KCNMA1: variants seen among roughly 807,000 people sequenced by gnomAD.
KCNMA1 encodes the protein Calcium-activated potassium channel subunit alpha-1.
Under a neutral mutation model 140.0 loss-of-function variants are expected in KCNMA1, and 29 were observed. That is an observed-to-expected ratio of 0.21 (90% CI 0.15 to 0.28). The LOEUF is 0.28. Ranked by LOEUF, KCNMA1 falls within the 10% of genes least tolerant of loss-of-function variation. The pLI, the probability that KCNMA1 is intolerant of heterozygous loss-of-function variation, is 1.00. For synonymous variants in KCNMA1, 612 were observed against 611.9 expected (o/e 1.00, Z 0.00); for missense variants, 880 against 1,602.2 (o/e 0.55, Z 7.70).
chr10:77,128,597 T>G (rs2097790486), intron 5 of KCNMA1, among the ~76,000 whole-genome samples: 1 of 152,080 alleles, frequency 6.6e-6, no homozygotes, highest in African/African-American at 2.4e-5. Flanking sequence ...TCCAGAGTGA[T>G]TCTAATGAGC....
At chr10:77,397,144 G>A (rs974559560) in intron 2 of KCNMA1, among the ~76,000 whole-genome samples, 1 of 152,116 alleles carries the variant, frequency 6.6e-6, no homozygotes, top group Admixed American at 6.5e-5. Flanking sequence ...ATGTGTGTGT[G>A]CCTGTATTTA....
intron 11 of KCNMA1, among the ~76,000 whole-genome samples, chr10:77,085,880 G>C (rs1179957721): frequency 6.6e-6 from 1 of 152,060 alleles, no homozygotes; most frequent in Non-Finnish European, 1.5e-5. Context: ...ATTTTGCCTT[G>C]TACCTTTCCC....
intron 1 of KCNMA1, among the ~76,000 whole-genome samples, chr10:77,440,813 TTTTTTGTTTTTG>T (rs918235523): frequency 6.6e-6 from 1 of 151,978 alleles, no homozygotes; most frequent in Admixed American, 6.6e-5. Context: ...TCAAAATTCT[TTTTTTGTTTTTG>T]TTTTTGTTTT....
At chr10:77,250,893 A>G in intron 3 of KCNMA1, 1 of 363,232 alleles carries the variant, frequency 2.8e-6, no homozygotes, top group Non-Finnish European at 5.2e-6. Context: ...CATCTTAACT[A>G]CTTGACATCT....
chr10:76,948,002 GTT>G (rs60575836), intron 22 of KCNMA1, among the ~76,000 whole-genome samples: 1 of 18,990 alleles, frequency 5.3e-5, no homozygotes, highest in African/African-American at 1.9e-4. Context: ...GTTGTTTCTT[GTT>G]TTGTTTTTGT....
At chr10:77,263,020 A>G (rs956147337) in intron 2 of KCNMA1, among the ~76,000 whole-genome samples, 1 of 152,212 alleles carries the variant, frequency 6.6e-6, no homozygotes, top group African/African-American at 2.4e-5. Flanking sequence ...ACAAAATGGA[A>G]GGAAAATTCT....
chr10:77,156,494 C>T (rs577365623), intron 5 of KCNMA1, among the ~76,000 whole-genome samples: 1 of 152,180 alleles, frequency 6.6e-6, no homozygotes, highest in Non-Finnish European at 1.5e-5. Flanking sequence ...TGGGCATAGG[C>T]CAAGCTAACT....
At chr10:77,326,217 T>A (rs937083301) in intron 2 of KCNMA1, among the ~76,000 whole-genome samples, 1 of 152,160 alleles carries the variant, frequency 6.6e-6, no homozygotes, top group African/African-American at 2.4e-5. Context: ...GTCTTCCTCA[T>A]CTCATCTGTT....
chr10:77,372,506 C>T (rs1218801981), intron 2 of KCNMA1, among the ~76,000 whole-genome samples: 1 of 152,118 alleles, frequency 6.6e-6, no homozygotes, highest in Admixed American at 6.6e-5. Flanking sequence ...TTTTCTCTTC[C>T]TTTACTCAGC....
At chr10:77,556,301 T>C (rs1292493954) in intron 1 of KCNMA1, among the ~76,000 whole-genome samples, 1 of 151,876 alleles carries the variant, frequency 6.6e-6, no homozygotes, top group Non-Finnish European at 1.5e-5. Context: ...GTTTAGGAGT[T>C]CGAGACCAGC....
At chr10:77,417,547 C>A (rs2043809747) in intron 1 of KCNMA1, among the ~76,000 whole-genome samples, 1 of 152,136 alleles carries the variant, frequency 6.6e-6, no homozygotes, top group South Asian at 2.1e-4. Context: ...ACACTAAATC[C>A]CAAATGAGAT....
At chr10:77,409,327 C>A (rs2096567827) in intron 1 of KCNMA1, among the ~76,000 whole-genome samples, 1 of 152,172 alleles carries the variant, frequency 6.6e-6, no homozygotes, top group African/African-American at 2.4e-5. Flanking sequence ...ACCCAACTAC[C>A]ACACACACAG....
chr10:77,206,667 A>G (rs1368819512), intron 3 of KCNMA1, among the ~76,000 whole-genome samples: 4 of 152,184 alleles, frequency 2.6e-5, no homozygotes, highest in Non-Finnish European at 5.9e-5. Context: ...TGCAAGGCCC[A>G]TAAAAGCAGA....
At chr10:77,295,799 A>C (rs1464787961) in intron 2 of KCNMA1, among the ~76,000 whole-genome samples, 2,440 of 149,252 alleles carry the variant, frequency 0.016, 246 homozygotes, top group African/African-American at 0.055. Flanking sequence ...AAAAAAAAAA[A>C]AAAAAAAAAA....
intron 18 of KCNMA1, among the ~76,000 whole-genome samples, chr10:77,010,131 GT>G (rs1178836427): frequency 6.6e-6 from 1 of 152,156 alleles, no homozygotes. Flanking sequence ...CCTGTCAGGG[GT>G]TATTGGCCTC....
intron 15 of KCNMA1, among the ~76,000 whole-genome samples, chr10:77,036,538 C>T (rs769039956): frequency 6.6e-5 from 10 of 152,190 alleles, no homozygotes; most frequent in Non-Finnish European, 1.3e-4. Context: ...TTTAGCGCAG[C>T]GCATAATTAC....
intron 2 of KCNMA1, among the ~76,000 whole-genome samples, chr10:77,365,748 G>A (rs551604173): frequency 2.6e-5 from 4 of 152,260 alleles, no homozygotes; most frequent in African/African-American, 9.6e-5. Context: ...TCTGAGAACC[G>A]ATTTCCTGTG....
intron 2 of KCNMA1, among the ~76,000 whole-genome samples, chr10:77,362,517 T>C (rs977761237): frequency 1.3e-5 from 2 of 151,834 alleles, no homozygotes; most frequent in Non-Finnish European, 2.9e-5. Flanking sequence ...GCTCCATCCA[T>C]AAAGCGGAGC....
intron 2 of KCNMA1, among the ~76,000 whole-genome samples, chr10:77,281,383 G>A (rs2068540151): frequency 6.6e-6 from 1 of 152,182 alleles, no homozygotes; most frequent in African/African-American, 2.4e-5. Flanking sequence ...GTGCTTTCTT[G>A]TACCTTCTTC....
Sources: gnomAD v4.1 joint callset for allele counts (sites outside exome capture counted in the v4.1 genomes callset) on GRCh38, gnomAD v4.1.1 for gene constraint, MANE v1.5 for transcripts, NCBI Gene and HGNC (gene_info 2026-07-23, HGNC 2026-07-21) for gene names.